The following SPDYA variants were observed in gnomAD, a reference collection of about 807,000 sequenced individuals.
The protein encoded by SPDYA is speedy/RINGO cell cycle regulator family member A, also known as speedy protein A.
In SPDYA, 11 loss-of-function variants were observed where a neutral mutation model predicts 36.7. That is an observed-to-expected ratio of 0.30 (90% CI 0.19 to 0.50). The LOEUF (loss-of-function observed/expected upper bound fraction) is 0.50, where lower values mean the gene tolerates loss of function less well. SPDYA is among the 20% of genes least tolerant of loss of function. The pLI is 0.98. For synonymous variants in SPDYA, 115 were observed against 118.7 expected, an observed-to-expected ratio of 0.97 and a Z score of 0.20; for missense variants, 287 against 370.9, an observed-to-expected ratio of 0.77 and a Z score of 1.86.
intron 6 of SPDYA, among the ~76,000 whole-genome samples, chr2:28,838,175 C>T (rs527627115): frequency 0.015 from 1,637 of 109,156 alleles, 34 homozygotes; most frequent in African/African-American, 0.049. Flanking sequence ...ATAGAAGTAA[C>T]GGATTTTTTT....
chr2:28,830,770 C>T (rs1668462484), intron 6 of SPDYA, among the ~76,000 whole-genome samples: 1 of 151,918 alleles, frequency 6.6e-6, no homozygotes, highest in South Asian at 2.1e-4. Flanking sequence ...TCCTTAATGC[C>T]AAATCTTTTA....
At chr2:28,813,498 T>G (rs1277897737) in intron 1 of SPDYA, among the ~76,000 whole-genome samples, 1 of 152,056 alleles carries the variant, frequency 6.6e-6, no homozygotes, top group Non-Finnish European at 1.5e-5. Context: ...ATACCACTGA[T>G]AACTCCATAC....
intron 7 of SPDYA, among the ~76,000 whole-genome samples, chr2:28,845,830 C>T (rs1668858373): frequency 6.6e-6 from 1 of 152,116 alleles, no homozygotes. Context: ...CAGGCGTGAG[C>T]CACCGCGCCC....
chr2:28,847,939 C>T (rs6737027), intron 7 of SPDYA, among the ~76,000 whole-genome samples: 63,152 of 151,878 alleles, frequency 0.42, 13,957 homozygotes, highest in Middle Eastern at 0.51. Flanking sequence ...CAGTAACATG[C>T]TATCCAGGTT....
In SPDYA at chr2:28,811,641, C is replaced by T. The variant is rs1216165415; in HGVS notation, c.-93+694C>T. On this transcript the variant is annotated intron_variant, in intron 1 of 7. Coordinates refer to ENST00000334056, the MANE Select transcript of SPDYA (RefSeq NM_182756.4). This position sits in a 1 kb window ranked among gnomAD's most constrained non-coding sequence, Gnocchi z 4.2. Reference sequence around the variant, plus strand: ...TCGAGAGCAGCCCACAGCGAAAACCCCGTCTCTACAAAAAAATAATGAAAA... The same window carrying T: ...TCGAGAGCAGCCCACAGCGAAAACCTCGTCTCTACAAAAAAATAATGAAAA... Among the ~76,000 whole-genome samples the T allele has an allele frequency of 6.6e-6, 1 of 151,982 alleles. No individual in the cohort carries two copies. The highest frequency in any genetic ancestry group is 1.5e-5 in the Non-Finnish European group (1 of 68,018).
chr2:28,826,758 G>T (rs1180400262), intron 5 of SPDYA, among the ~76,000 whole-genome samples: 2 of 149,832 alleles, frequency 1.3e-5, no homozygotes, highest in Non-Finnish European at 3.0e-5. Flanking sequence ...GGGACCACAG[G>T]CATTCACCAC....
chr2:28,816,028 A>C lies in SPDYA; in HGVS notation c.14A>C (p.Gln5Pro), dbSNP rs770237701. Residue 5 changes from glutamine (Q) to proline (P), a missense_variant, in exon 3 of 8, where the codon CAG becomes CCG. By Grantham distance (76) the Gln-to-Pro change is moderately conservative. Transcript: ENST00000334056. ...TGGGAAACCAAAATGAGGCACAATC[A>C]GATGTGTTGTGAGACACCACCTACT... MRHN[Q>P]MCCETPPTVT... 1.9e-6 allele frequency: 3 copies of C among 1,610,374 alleles called. No homozygotes were observed. The East Asian group carries it at 6.7e-5, about 36-fold the overall frequency.
rs150685597 is a variant in SPDYA at position 28,831,964 on chromosome 2, T to C, written c.552+2645T>C. Among the ~76,000 whole-genome samples, 52 of 152,304 alleles carry C rather than the reference T, an allele frequency of 3.4e-4. No individual in the cohort carries two copies. In the East Asian group the frequency reaches 9.1e-3, roughly 27 times the overall value. ...CAGTAATTGTCCCCTTTCCAGCATT[T>C]CACATTTTTTATTTTATTGGATCAC... On this transcript the variant is annotated intron_variant, in intron 6 of 7. Transcript: ENST00000334056.
rs749421765 is a variant in SPDYA, at chr2:28,816,048, C to G, written c.34C>G (p.Pro12Ala). 1 of 1,613,648 alleles carries G rather than the reference C, an allele frequency of 6.2e-7. No homozygotes were observed. The highest frequency in any genetic ancestry group is 1.3e-5 in the African/African-American group (1 of 74,880). ...CAATCAGATGTGTTGTGAGACACCA[C>G]CTACTGTCACTGTTTATGTAAAATC... is the stretch of plus-strand genomic sequence containing the variant. The part of the protein sequence containing the change: ...RHNQMCCETP[P>A]TVTVYVKSGS... Residue 12 changes from proline (P) to alanine (A), a missense_variant, in exon 3 of 8, where the codon CCT becomes GCT. By Grantham distance (27) the Pro-to-Ala change is conservative (BLOSUM62 -1). Transcript: ENST00000334056.
intron 3 of SPDYA, 48 bp downstream of exon 3, chr2:28,816,297 C>G: frequency 7.5e-7 from 1 of 1,329,262 alleles, no homozygotes. Flanking sequence ...TACTAAAAAC[C>G]TAGAATGTAA....
chr2:28,840,835 T>G, intron 7 of SPDYA: 7 of 925,906 alleles, frequency 7.6e-6, no homozygotes, highest in Non-Finnish European at 7.8e-6. Context: ...TGTATACTTT[T>G]CTAACAAAAT....
chr2:28,823,381 G>C (rs1007921965), intron 5 of SPDYA, among the ~76,000 whole-genome samples: 31 of 151,992 alleles, frequency 2.0e-4, no homozygotes, highest in African/African-American at 7.2e-4. Flanking sequence ...CCAACACTTT[G>C]GGAGGCCGAG....
At chr2:28,849,298 C>T (rs956673796) in intron 7 of SPDYA, among the ~76,000 whole-genome samples, 13 of 152,044 alleles carry the variant, frequency 8.6e-5, no homozygotes, top group Admixed American at 2.6e-4. Flanking sequence ...ATTCCCCAAA[C>T]ATTTTTTTTT....
chr2:28,814,216 T>C (rs1667927577), intron 1 of SPDYA, among the ~76,000 whole-genome samples: 1 of 152,204 alleles, frequency 6.6e-6, no homozygotes, highest in Non-Finnish European at 1.5e-5. Flanking sequence ...CTTTAAAAAC[T>C]GAAGGAGCAT....
chr2:28,841,148 G>A (rs935310266), intron 7 of SPDYA, among the ~76,000 whole-genome samples: 7 of 151,842 alleles, frequency 4.6e-5, no homozygotes, highest in South Asian at 2.1e-4. Context: ...TGGCCAGGCC[G>A]GTCTCGAACT....
In SPDYA at chr2:28,849,908, AT is replaced by A. The variant is rs560028462; in HGVS notation, c.910del (p.Ser304LeufsTer28). 2.4e-4 allele frequency: 380 copies of A among 1,595,626 alleles called. 1 individual carries two copies. The highest frequency in any genetic ancestry group is 3.1e-4 in the Non-Finnish European group (364 of 1,174,968). Reference protein sequence around the residue: ...KKTNFLKKDKSMEWFTGSEE With the variant: ...KKTNFLKKDKXMEWFTGSEE ...AAACTAATTTCTTGAAGAAAGACAA[AT>A]CTATGGAGTGGTTTACAGGAAGTGA... is the stretch of plus-strand genomic sequence containing the variant. On this transcript the variant is annotated frameshift_variant, in exon 8 of 8. Transcript: ENST00000334056. LOFTEE classifies it high-confidence loss of function.
intron 7 of SPDYA, among the ~76,000 whole-genome samples, chr2:28,846,123 G>T (rs1262767682): frequency 4.6e-5 from 7 of 151,892 alleles, no homozygotes. Flanking sequence ...CATGACCCTT[G>T]GCTGGGCATG....
At chr2:28,832,224 A>G (rs1448220043) in intron 6 of SPDYA, among the ~76,000 whole-genome samples, 1 of 152,184 alleles carries the variant, frequency 6.6e-6, no homozygotes, top group Non-Finnish European at 1.5e-5. Flanking sequence ...ATATCTCTAT[A>G]TGGCCAAATC....
chr2:28,823,949 G>A (rs1314379223), intron 5 of SPDYA, among the ~76,000 whole-genome samples: 5 of 149,736 alleles, frequency 3.3e-5, no homozygotes, highest in Non-Finnish European at 7.4e-5. Context: ...GTTTTACCAC[G>A]TTGGCCAGGC....
Sources: allele counts gnomAD v4.1 joint callset (sites outside exome capture counted in the v4.1 genomes callset), GRCh38; gene constraint gnomAD v4.1.1; non-coding constraint Gnocchi (gnomAD v3.1); transcripts MANE v1.5; gene names NCBI Gene and HGNC (gene_info 2026-07-23, HGNC 2026-07-21).